The following ANKS6 variants were observed in gnomAD, a reference collection of about 807,000 sequenced individuals.
ANKS6 encodes the protein ankyrin repeat and SAM domain-containing protein 6.
In ANKS6, 47 loss-of-function variants were observed where a neutral mutation model predicts 77.9. That is an observed-to-expected ratio of 0.60 (90% confidence interval 0.48 to 0.77). The LOEUF (loss-of-function observed/expected upper bound fraction) is 0.77. Among genes scored for constraint, ANKS6 ranks in the 30% least tolerant of loss-of-function variants. The pLI is 0.00. For synonymous variants in ANKS6, 488 were observed against 501.7 expected, an observed-to-expected ratio of 0.97 and a Z score of 0.37; for missense variants, 1,150 against 1,159.1, an observed-to-expected ratio of 0.99 and a Z score of 0.11.
At chr9:98,780,775 G>C (rs1834204258) in intron 5 of ANKS6, among the ~76,000 whole-genome samples, 1 of 152,064 alleles carries the variant, frequency 6.6e-6, no homozygotes, top group African/African-American at 2.4e-5. Context: ...CAATACAAGT[G>C]CTTTAAAAAT....
chr9:98,732,799 G>A lies in ANKS6; in HGVS notation c.*3720C>T. 1.5e-6 allele frequency: 2 copies of A among 1,334,390 alleles called. No homozygotes were observed. The highest frequency in any genetic ancestry group is 1.8e-5 in the South Asian group (1 of 54,068). The allele number at this position is 1,334,390 out of a possible 1,614,324, so 82.7% of individuals were successfully genotyped here. ...GTCTATGTCCAGTGCTCTTTCCAGG[G>A]TAACAGGTTGCTTCTACTCATTTTA... On this transcript the variant is annotated 3_prime_UTR_variant, in exon 15 of 15. Transcript: ENST00000353234.
chr9:98,764,211 T>C (rs1833155144), intron 11 of ANKS6, among the ~76,000 whole-genome samples: 2 of 152,206 alleles, frequency 1.3e-5, no homozygotes, highest in South Asian at 2.1e-4. Flanking sequence ...AAAAGTCTGC[T>C]GTAATTCCTA....
chr9:98,745,189 G>GTACACCCT (rs1832054166), intron 14 of ANKS6, among the ~76,000 whole-genome samples: 1 of 152,178 alleles, frequency 6.6e-6, no homozygotes, highest in African/African-American at 2.4e-5. Flanking sequence ...CCACCCTACA[G>GTACACCCT]ACAGGGACAG....
chr9:98,778,090 G>C, intron 7 of ANKS6, 136 bp downstream of exon 7: 4 of 1,057,520 alleles, frequency 3.8e-6, no homozygotes, highest in Non-Finnish European at 4.0e-6. Flanking sequence ...TTTTCCACCA[G>C]ACCAGCCTCT....
At chr9:98,787,849 C>T (rs1461704529) in intron 2 of ANKS6, among the ~76,000 whole-genome samples, 1 of 152,238 alleles carries the variant, frequency 6.6e-6, no homozygotes, top group Non-Finnish European at 1.5e-5. Flanking sequence ...TGACCAGATC[C>T]TGCTGGAAGA....
chr9:98,745,448 A>G (rs938567293), intron 14 of ANKS6, 111 bp downstream of exon 14: 28 of 985,626 alleles, frequency 2.8e-5, no homozygotes, highest in Non-Finnish European at 4.5e-5. Flanking sequence ...GGAGGTAGTG[A>G]GTGCTTGCTC....
chr9:98,777,528 G>A, intron 7 of ANKS6, 74 bp from the exon 8 acceptor site: 1 of 1,448,196 alleles, frequency 6.9e-7, no homozygotes, highest in South Asian at 1.2e-5. Flanking sequence ...GACTGGGGCA[G>A]GCTTCAACCT....
At chr9:98,788,406 T>G (rs545504679) in intron 2 of ANKS6, among the ~76,000 whole-genome samples, 1 of 151,248 alleles carries the variant, frequency 6.6e-6, no homozygotes, top group Admixed American at 6.6e-5. Flanking sequence ...GAGGGGAGAT[T>G]CAGCATGGCA....
At position 98,751,100 on chromosome 9, in the gene ANKS6, C is replaced by A; in HGVS notation, c.2327-4G>T. The A allele has an allele frequency of 6.3e-7, 1 of 1,597,368 alleles. No homozygotes were observed. Among genetic ancestry groups the A allele is most frequent in the Non-Finnish European group, 8.5e-7 (1 of 1,172,472 alleles). On this transcript the variant is annotated splice_polypyrimidine_tract_variant and splice_region_variant and intron_variant, in intron 12 of 14. Coordinates refer to ENST00000353234, the MANE Select transcript of ANKS6 (RefSeq NM_173551.5). ...TTAAGGATTCCAGTCAGTTCATCTT[C>A]AAGATGGAAAGGTGAAAAAAAAACA... is the stretch of plus-strand genomic sequence containing the variant.
rs2117928925 is a variant in ANKS6, at chr9:98,756,565, G to A, written c.2181C>T (p.Ser727=). Reference sequence around the variant, plus strand: ...TTGGAGAGGTGCTCTTGGAGGTAGTGGAAGTTCCAGATGGAGGCCTTTTGC... The same window carrying A: ...TTGGAGAGGTGCTCTTGGAGGTAGTAGAAGTTCCAGATGGAGGCCTTTTGC... The part of the protein sequence containing the change: ...ETSKRPPSGT[S]TTSKSTSPTL... Residue 727 remains serine, a synonymous_variant, in exon 12 of 15, where the codon TCC becomes TCT. Transcript: ENST00000353234. The A allele has an allele frequency of 6.4e-7, 1 of 1,563,790 alleles. No individual in the cohort carries two copies. Among genetic ancestry groups the A allele is most frequent in the Non-Finnish European group, 8.6e-7 (1 of 1,158,178 alleles).
intron 8 of ANKS6, 65 bp downstream of exon 8, chr9:98,777,340 T>G: frequency 6.5e-7 from 1 of 1,546,162 alleles, no homozygotes. Context: ...ACATCCCTCC[T>G]TGTAAATCAA....
chr9:98,769,420 G>A (rs1346299135), intron 10 of ANKS6, among the ~76,000 whole-genome samples: 1 of 152,166 alleles, frequency 6.6e-6, no homozygotes, highest in Admixed American at 6.5e-5. Flanking sequence ...ATTACGTAGG[G>A]AGGTATTACC....
Position 98,733,961 on chromosome 9 carries a change from G to A in ANKS6, c.*2558C>T. On this transcript the variant is annotated 3_prime_UTR_variant, in exon 15 of 15. Coordinates refer to ENST00000353234, the MANE Select transcript of ANKS6 (RefSeq NM_173551.5). ...GGGGGGAACAGCCACAGGCAGGCTGGGGACACGTGTGGGAAGGGAAGGGGG... is the reference window on the plus strand; with the variant it reads ...GGGGGGAACAGCCACAGGCAGGCTGAGGACACGTGTGGGAAGGGAAGGGGG... 3 of 985,408 alleles carry A rather than the reference G, an allele frequency of 3.0e-6. No homozygotes were observed. Among genetic ancestry groups the A allele is most frequent in the Non-Finnish European group, 3.6e-6 (3 of 829,952 alleles). The allele number at this position is 985,408 out of a possible 1,614,324, so 61.0% of individuals were successfully genotyped here. A position where few individuals can be genotyped will look rare whatever the true frequency, so the allele number is the denominator to read the frequency against.
intron 14 of ANKS6, among the ~76,000 whole-genome samples, chr9:98,737,734 T>C (rs1172656979): frequency 6.6e-6 from 1 of 151,890 alleles, no homozygotes; most frequent in African/African-American, 2.4e-5. Flanking sequence ...AAAAAACAAT[T>C]CTAAAATTCA....
rs1831285913 is a variant in ANKS6 at position 98,733,014 on chromosome 9, T to A, written c.*3505A>T. 28 of 916,264 alleles carry A rather than the reference T, an allele frequency of 3.1e-5. No homozygotes were observed. The South Asian group carries it at 1.2e-3, about 40-fold the overall frequency. The allele number at this position is 916,264 out of a possible 1,614,324, so 56.8% of individuals were successfully genotyped here. A position where few individuals can be genotyped will look rare whatever the true frequency, so the allele number is the denominator to read the frequency against. On this transcript the variant is annotated 3_prime_UTR_variant, in exon 15 of 15. Coordinates refer to ENST00000353234, the MANE Select transcript of ANKS6 (RefSeq NM_173551.5). ...GCGTGCCCAGGCTGAGCCTGAGCCA[T>A]CATCGATGACTTTCCCTGAGCTGTA...
At chr9:98,780,454 T>A in intron 5 of ANKS6, 117 bp from the exon 6 acceptor site, 2 of 1,253,116 alleles carry the variant, frequency 1.6e-6, no homozygotes, top group Non-Finnish European at 2.2e-6. Context: ...AGGGTCTGTG[T>A]AATTCCAGAA....
At chr9:98,784,771 A>G in intron 3 of ANKS6, 61 bp downstream of exon 3, 1 of 1,456,880 alleles carries the variant, frequency 6.9e-7, no homozygotes, top group Admixed American at 1.8e-5. Flanking sequence ...TACAAATATT[A>G]GGTTGGGAGA....
chr9:98,758,987 T>C (rs949859153), intron 11 of ANKS6, among the ~76,000 whole-genome samples: 1 of 152,242 alleles, frequency 6.6e-6, no homozygotes, highest in Non-Finnish European at 1.5e-5. Context: ...GGTTAGGTCA[T>C]TCATTTGAAT....
At chr9:98,763,426 AAT>A (rs1833115273) in intron 11 of ANKS6, among the ~76,000 whole-genome samples, 1 of 152,120 alleles carries the variant, frequency 6.6e-6, no homozygotes, top group African/African-American at 2.4e-5. Context: ...AGAAGGGGAA[AAT>A]ATTTTGAATG....
Sources: allele counts gnomAD v4.1 joint callset (sites outside exome capture counted in the v4.1 genomes callset), GRCh38; gene constraint gnomAD v4.1.1; transcripts MANE v1.5; gene names NCBI Gene and HGNC (gene_info 2026-07-23, HGNC 2026-07-21).